Variants in MYPN observed in about 807,000 individuals in gnomAD.
MYPN encodes sarcomeric protein myopalladin, 145 kDa (MYOP).
Under a neutral mutation model 129.4 loss-of-function variants are expected in MYPN, and 63 were observed. That is an observed-to-expected ratio of 0.49 (90% CI 0.40 to 0.60). The LOEUF (loss-of-function observed/expected upper bound fraction) is 0.60, where lower values mean the gene tolerates loss of function less well. MYPN is among the 20% of genes least tolerant of loss of function. MYPN has a pLI of 0.00. For synonymous variants in MYPN, 629 were observed against 600.9 expected, an observed-to-expected ratio of 1.05 and a Z score of -0.68; for missense variants, 1,596 against 1,635.4, an observed-to-expected ratio of 0.98 and a Z score of 0.42.
intron 15 of MYPN, among the ~76,000 whole-genome samples, chr10:68,196,483 C>CTTTTTTTTTTTTTTTT (rs71009021): frequency 7.1e-5 from 8 of 112,512 alleles, no homozygotes; most frequent in Non-Finnish European, 1.4e-4. Flanking sequence ...CCTTCTTCTT[C>CTTTTTTTTTTTTTTTT]TTTTTTTTTT....
intron 19 of MYPN, among the ~76,000 whole-genome samples, chr10:68,208,589 T>C (rs12218296): frequency 0.31 from 47,171 of 151,960 alleles, 8,102 homozygotes; most frequent in East Asian, 0.66. Context: ...TCCCCACCAA[T>C]AAGCCCTGAA....
chr10:68,092,987 G>A (rs2133935838), intron 1 of MYPN, among the ~76,000 whole-genome samples: 1 of 152,254 alleles, frequency 6.6e-6, no homozygotes, highest in East Asian at 1.9e-4. Flanking sequence ...TGAATTAACT[G>A]TAATGGGCCC....
chr10:68,088,687 A>G (rs1256183005), intron 1 of MYPN, among the ~76,000 whole-genome samples: 2 of 152,214 alleles, frequency 1.3e-5, no homozygotes, highest in African/African-American at 2.4e-5. Context: ...AGTTTCTCAC[A>G]GGGTTAATCT....
chr10:68,199,802 G>A (rs553731345), intron 17 of MYPN, among the ~76,000 whole-genome samples: 2 of 152,244 alleles, frequency 1.3e-5, no homozygotes, highest in East Asian at 3.9e-4. Context: ...ATAAATGAGA[G>A]CCATTGTCAT....
At chr10:68,206,990 G>T in intron 19 of MYPN, 87 bp downstream of exon 19, 5 of 1,515,272 alleles carry the variant, frequency 3.3e-6, no homozygotes, top group Non-Finnish European at 4.5e-6. Context: ...AGGCAAGGTG[G>T]CTCATGCCTG....
rs1221945237 is a variant in MYPN at position 68,098,715 on chromosome 10, C to T, written c.-2+10723C>T. On this transcript the variant is annotated intron_variant, in intron 1 of 6. Transcript: ENST00000685154. ...AAAATTAGCCCGGTGTGGTGGCAGG[C>T]GCCTGTAATCCCAGCTACTCAGGAG... Among the ~76,000 whole-genome samples the T allele has an allele frequency of 3.3e-5, 5 of 152,082 alleles. 1 individual carries two copies. Among genetic ancestry groups the T allele is most frequent in the African/African-American group, 9.6e-5 (4 of 41,480 alleles).
upstream of MYPN, among the ~76,000 whole-genome samples, chr10:68,105,549 A>G (rs2042005400): frequency 6.6e-6 from 1 of 152,148 alleles, no homozygotes; most frequent in Non-Finnish European, 1.5e-5. Flanking sequence ...TTCTGAATAG[A>G]TTTTCTTCTT....
Position 68,157,395 on chromosome 10 carries a change from T to C in MYPN, c.1318-1091T>C, listed in dbSNP as rs561916008. 2.0e-5 allele frequency among the ~76,000 whole-genome samples: 3 copies of C among 152,250 alleles called. No homozygotes were observed. The South Asian group carries it at 6.2e-4, about 32-fold the overall frequency. ...AAGACAGAACCAGTTACTTGGGCCATAGAACCCTTCCACATTATGAGCAGC... is the reference window on the plus strand; with the variant it reads ...AAGACAGAACCAGTTACTTGGGCCACAGAACCCTTCCACATTATGAGCAGC... On this transcript the variant is annotated intron_variant, in intron 6 of 19. Coordinates refer to ENST00000358913, the MANE Select transcript of MYPN (RefSeq NM_032578.4).
intron 2 of MYPN, among the ~76,000 whole-genome samples, chr10:68,141,323 C>T (rs949985042): frequency 2.7e-5 from 4 of 150,330 alleles, no homozygotes; most frequent in Non-Finnish European, 4.4e-5. Flanking sequence ...GAGTGGAGAT[C>T]GGACCACTGC....
intron 18 of MYPN, among the ~76,000 whole-genome samples, chr10:68,205,539 T>A (rs1366533544): frequency 6.7e-6 from 1 of 149,052 alleles, no homozygotes; most frequent in Non-Finnish European, 1.5e-5. Context: ...AAAGAAAAAT[T>A]AGGCAGGCAT....
In MYPN at chr10:68,210,578, AAG is replaced by A; in HGVS notation, c.*126_*127del. 3 of 1,178,400 alleles carry A rather than the reference AAG, an allele frequency of 2.5e-6. No homozygotes were observed. Among genetic ancestry groups the A allele is most frequent in the Non-Finnish European group, 3.8e-6 (3 of 799,436 alleles). The allele number at this position is 1,178,400 out of a possible 1,614,324, so 73.0% of individuals were successfully genotyped here. A position where few individuals can be genotyped will look rare whatever the true frequency, so the allele number is the denominator to read the frequency against. Reference sequence around the variant, plus strand: ...TTCCCACACTGCTGGACCTGTGGCAAAGAGTGCTTTGAATAAGTCAGCTAGGG... The same window carrying A: ...TTCCCACACTGCTGGACCTGTGGCAAAGTGCTTTGAATAAGTCAGCTAGGG... On this transcript the variant is annotated 3_prime_UTR_variant, in exon 20 of 20. Coordinates refer to ENST00000358913, the MANE Select transcript of MYPN (RefSeq NM_032578.4).
rs757709925 is a variant in MYPN at position 68,174,434 on chromosome 10, A to C, written c.2342A>C (p.Gln781Pro). ...AAATCTCCAGGAGGGCTTTCCATCC[A>C]AAATGAGCCACTCCCACCAGGCCCA... ...QTKSPGGLSI[Q>P]NEPLPPGPTE... The change falls in exon 11 of 20, where the codon CAA becomes CCA. Residue 781 changes from glutamine to proline, a missense_variant. Gln to Pro is a moderately conservative substitution (Grantham distance 76). Coordinates refer to ENST00000358913, the MANE Select transcript of MYPN (RefSeq NM_032578.4). 1.2e-6 allele frequency: 2 copies of C among 1,614,124 alleles called. No individual in the cohort carries two copies. The highest frequency in any genetic ancestry group is 1.7e-6 in the Non-Finnish European group (2 of 1,180,026).
intron 1 of MYPN, among the ~76,000 whole-genome samples, chr10:68,116,588 T>C (rs561071102): frequency 6.6e-6 from 1 of 152,218 alleles, no homozygotes; most frequent in South Asian, 2.1e-4. Context: ...ATACAAAAAT[T>C]AGCCGGGCAT....
intron 14 of MYPN, 57 bp from the exon 15 acceptor site, chr10:68,195,393 A>C (rs1251016873): frequency 1.7e-5 from 26 of 1,566,208 alleles, no homozygotes; most frequent in Middle Eastern, 1.7e-4. Context: ...TTTTTATGTA[A>C]ATTGAAAAAA....
intron 10 of MYPN, among the ~76,000 whole-genome samples, chr10:68,167,022 G>A (rs2043066372): frequency 6.6e-6 from 1 of 152,052 alleles, no homozygotes; most frequent in South Asian, 2.1e-4. Flanking sequence ...CTGGGTGACA[G>A]AGCAAGACTT....
chr10:68,091,797 T>C (rs2041932447), intron 1 of MYPN, among the ~76,000 whole-genome samples: 1 of 151,892 alleles, frequency 6.6e-6, no homozygotes, highest in South Asian at 2.1e-4. Flanking sequence ...TTTACTATTT[T>C]GTCCTCTTTA....
chr10:68,090,029 A>G (rs1489183683), intron 1 of MYPN, among the ~76,000 whole-genome samples: 1 of 152,202 alleles, frequency 6.6e-6, no homozygotes, highest in Non-Finnish European at 1.5e-5. Flanking sequence ...CCTTGCAGGT[A>G]TTAGATTATT....
At chr10:68,190,521 C>CTTTGTT (rs1314744730) in intron 13 of MYPN, among the ~76,000 whole-genome samples, 2 of 152,078 alleles carry the variant, frequency 1.3e-5, no homozygotes, top group Admixed American at 1.3e-4. Flanking sequence ...TTTTAACAGT[C>CTTTGTT]TTTGTTTTTG....
rs192875587 is a variant in MYPN, at chr10:68,168,414, G to A, written c.1973+1748G>A. Among the ~76,000 whole-genome samples, 6 of 152,092 alleles carry A rather than the reference G, an allele frequency of 3.9e-5. No homozygotes were observed. The East Asian group carries it at 1.2e-3, about 29-fold the overall frequency. ...TTTAGGGGCCGTTACATATGATGATGGAAAAAAAATTCTGCCAAAATATTT... is the reference window on the plus strand; with the variant it reads ...TTTAGGGGCCGTTACATATGATGATAGAAAAAAAATTCTGCCAAAATATTT... On this transcript the variant is annotated intron_variant, in intron 10 of 19. Coordinates refer to ENST00000358913, the MANE Select transcript of MYPN (RefSeq NM_032578.4).
Sources: allele counts gnomAD v4.1 joint callset (sites outside exome capture counted in the v4.1 genomes callset), GRCh38; gene constraint gnomAD v4.1.1; transcripts MANE v1.5; gene names NCBI Gene and HGNC (gene_info 2026-07-23, HGNC 2026-07-21).